The following ZC3H12B variants were observed in gnomAD, a reference collection of about 807,000 sequenced individuals.
ZC3H12B encodes probable ribonuclease ZC3H12B.
ZC3H12B carries 7 observed loss-of-function variants against 43.9 expected under a neutral mutation model. The ratio of observed to expected loss-of-function variants is 0.16; its 90% CI spans 0.09 to 0.30. The LOEUF (loss-of-function observed/expected upper bound fraction) is 0.30, where lower values mean the gene tolerates loss of function less well. ZC3H12B is among the 10% of genes least tolerant of loss of function. The pLI is 1.00. For synonymous variants in ZC3H12B, 222 were observed against 241.7 expected (o/e 0.92, Z 0.76); for missense variants, 475 against 670.2 (o/e 0.71, Z 3.22).
chrX:65,428,501 A>G (rs1428812223), intron 3 of ZC3H12B, among the ~76,000 whole-genome samples: 1 of 112,359 alleles, frequency 8.9e-6, no homozygotes, highest in Admixed American at 9.5e-5. Flanking sequence ...TTTCAGAAAG[A>G]TAGTCTTCAA....
the ZC3H12B span, among the ~76,000 whole-genome samples, chrX:65,298,328 A>T: frequency 1.8e-5 from 2 of 111,998 alleles, no homozygotes; most frequent in Admixed American, 9.5e-5. Flanking sequence ...AAGAGAATTT[A>T]AAAAATAATT....
upstream of ZC3H12B, among the ~76,000 whole-genome samples, chrX:65,487,156 G>A (rs190953174): frequency 4.5e-4 from 51 of 112,765 alleles, 1 homozygote; most frequent in African/African-American, 1.4e-3. Context: ...TGTTGATTAC[G>A]TTTGGCTCTG....
the ZC3H12B span, among the ~76,000 whole-genome samples, chrX:65,137,491 G>GA: frequency 1.8e-5 from 2 of 111,800 alleles, no homozygotes; most frequent in Non-Finnish European, 3.8e-5. Context: ...AAGTAACCTA[G>GA]AATAAAATAT....
chrX:65,253,003 G>A, the ZC3H12B span, among the ~76,000 whole-genome samples: 1 of 112,050 alleles, frequency 8.9e-6, no homozygotes, highest in Non-Finnish European at 1.9e-5. Flanking sequence ...AAATTGATTT[G>A]GAAATTTTAA....
chrX:65,404,223 CA>C (rs773542667), intron 3 of ZC3H12B, among the ~76,000 whole-genome samples: 1 of 110,131 alleles, frequency 9.1e-6, no homozygotes, highest in African/African-American at 3.3e-5. Context: ...AAACAAACAA[CA>C]AAAAAAATTA....
At chrX:65,147,656 G>T in the ZC3H12B span, among the ~76,000 whole-genome samples, 1 of 111,471 alleles carries the variant, frequency 9.0e-6, no homozygotes, top group Non-Finnish European at 1.9e-5. Flanking sequence ...AGGCAATGCT[G>T]GGTTTTGTGT....
the ZC3H12B span, among the ~76,000 whole-genome samples, chrX:65,171,944 G>A: frequency 2.7e-5 from 3 of 111,961 alleles, no homozygotes; most frequent in Non-Finnish European, 5.6e-5. Context: ...ATCTGTCACG[G>A]CTTCTCTTGG....
chrX:65,307,993 T>A, the ZC3H12B span, among the ~76,000 whole-genome samples: 1 of 111,369 alleles, frequency 9.0e-6, no homozygotes, highest in African/African-American at 3.3e-5. Flanking sequence ...AGCAAAAATA[T>A]TCTTCAAAAA....
the ZC3H12B span, among the ~76,000 whole-genome samples, chrX:65,056,396 G>A: frequency 1.8e-4 from 20 of 111,304 alleles, no homozygotes; most frequent in Middle Eastern, 4.2e-3. Context: ...GTAGTTGAGC[G>A]GTTTTGAGTG....
chrX:65,227,476 G>A, the ZC3H12B span, among the ~76,000 whole-genome samples: 1 of 110,315 alleles, frequency 9.1e-6, no homozygotes, highest in Non-Finnish European at 1.9e-5. Context: ...AAAAGAACTA[G>A]AAAAGCAAGA....
the ZC3H12B span, chrX:65,328,511 T>C: frequency 8.1e-5 from 18 of 220,971 alleles, 1 homozygote; most frequent in South Asian, 1.2e-3. Context: ...CATAAATGTT[T>C]CCTCATTTTC....
At chrX:65,413,106 A>G (rs1425884357) in intron 3 of ZC3H12B, among the ~76,000 whole-genome samples, 1 of 110,742 alleles carries the variant, frequency 9.0e-6, no homozygotes, top group Non-Finnish European at 1.9e-5. Flanking sequence ...AGAAATATCT[A>G]TTTCAAATCC....
At chrX:65,279,811 C>CA in the ZC3H12B span, among the ~76,000 whole-genome samples, 1 of 111,701 alleles carries the variant, frequency 9.0e-6, no homozygotes, top group African/African-American at 3.3e-5. Context: ...AAAATATTTG[C>CA]AAACTATGCA....
the ZC3H12B span, among the ~76,000 whole-genome samples, chrX:65,341,177 A>G: frequency 8.9e-6 from 1 of 112,460 alleles, no homozygotes; most frequent in South Asian, 3.7e-4. Context: ...ATGAAAAGGA[A>G]CAAATAAAAC....
At chrX:65,129,243 ATGTGTG>A in the ZC3H12B span, among the ~76,000 whole-genome samples, 1 of 102,849 alleles carries the variant, frequency 9.7e-6, no homozygotes, top group African/African-American at 3.9e-5. Flanking sequence ...TTATATATGT[ATGTGTG>A]TATATATGTA....
the ZC3H12B span, among the ~76,000 whole-genome samples, chrX:65,091,551 C>T: frequency 9.0e-6 from 1 of 111,691 alleles, no homozygotes; most frequent in African/African-American, 3.3e-5. Flanking sequence ...TTTAAATAAA[C>T]CTTTTGTATT....
chrX:65,404,791 G>A (rs1163172393), intron 3 of ZC3H12B, among the ~76,000 whole-genome samples: 3 of 111,955 alleles, frequency 2.7e-5, no homozygotes, highest in Non-Finnish European at 5.6e-5. Context: ...GCATTGGACA[G>A]ATCGTCAAGA....
the ZC3H12B span, among the ~76,000 whole-genome samples, chrX:65,054,736 A>G: frequency 9.0e-6 from 1 of 111,334 alleles, no homozygotes; most frequent in Non-Finnish European, 1.9e-5. Context: ...ATGTTCTTCC[A>G]TTTTTTTGTA....
chrX:65,419,776 C>T (rs916075335), intron 3 of ZC3H12B, among the ~76,000 whole-genome samples: 4 of 110,387 alleles, frequency 3.6e-5, no homozygotes, highest in African/African-American at 1.3e-4. Context: ...TCCAGGATAG[C>T]CTCCATAGAT....
Sources: gnomAD v4.1 joint callset for allele counts (sites outside exome capture counted in the v4.1 genomes callset) on GRCh38, gnomAD v4.1.1 for gene constraint, MANE v1.5 for transcripts, NCBI Gene and HGNC (gene_info 2026-07-23, HGNC 2026-07-21) for gene names.